The following CADM2 variants were observed in gnomAD, a reference collection of about 807,000 sequenced individuals.
CADM2 encodes cell adhesion molecule 2, also known as immunoglobulin superfamily member 4D.
In CADM2, 12 loss-of-function variants were observed where a neutral mutation model predicts 49.8. The ratio of observed to expected loss-of-function variants is 0.24; its 90% CI spans 0.15 to 0.39. CADM2 has a LOEUF of 0.39. Among genes scored for constraint, CADM2 ranks in the 10% least tolerant of loss-of-function variants. The pLI is 1.00. For synonymous variants in CADM2, 214 were observed against 175.4 expected, an observed-to-expected ratio of 1.22 and a Z score of -1.74; for missense variants, 378 against 492.3, an observed-to-expected ratio of 0.77 and a Z score of 2.20.
intron 1 of CADM2, among the ~76,000 whole-genome samples, chr3:85,605,763 C>T (rs1051924712): frequency 7.9e-5 from 12 of 152,054 alleles, no homozygotes; most frequent in African/African-American, 2.9e-4. Context: ...TTTCTGTCTC[C>T]TCTGTGACAA....
intron 1 of CADM2, among the ~76,000 whole-genome samples, chr3:85,216,041 ATGTT>A (rs1161898878): frequency 5.9e-5 from 9 of 151,866 alleles, no homozygotes; most frequent in Non-Finnish European, 1.3e-4. Flanking sequence ...GCCAGGTACT[ATGTT>A]TGTTCACCTG....
At chr3:85,363,713 G>A (rs1456963581) in intron 1 of CADM2, among the ~76,000 whole-genome samples, 1 of 152,144 alleles carries the variant, frequency 6.6e-6, no homozygotes, top group Non-Finnish European at 1.5e-5. Context: ...CTGGATTCAC[G>A]CCATTCTCCT....
At chr3:85,970,785 G>A (rs1196248717) in intron 8 of CADM2, among the ~76,000 whole-genome samples, 1 of 151,454 alleles carries the variant, frequency 6.6e-6, no homozygotes, top group Non-Finnish European at 1.5e-5. Flanking sequence ...GTTGGTTCAG[G>A]ATTCTGGAAG....
chr3:86,015,974 A>G (rs1161156017), intron 8 of CADM2, among the ~76,000 whole-genome samples: 3 of 152,158 alleles, frequency 2.0e-5, no homozygotes, highest in African/African-American at 7.2e-5. Flanking sequence ...GTTATTTTTG[A>G]TGAAGAAAAT....
chr3:85,313,030 A>C (rs11714135), intron 1 of CADM2, among the ~76,000 whole-genome samples: 6,752 of 152,284 alleles, frequency 0.044, 249 homozygotes, highest in Non-Finnish European at 0.059. Flanking sequence ...AGAAAGTCCA[A>C]AGCTAAACAG....
chr3:85,888,960 C>G lies in CADM2; in HGVS notation c.529+2633C>G, dbSNP rs1013858703. Among the ~76,000 whole-genome samples, 25 of 152,090 alleles carry G rather than the reference C, an allele frequency of 1.6e-4. 1 individual carries two copies. Among genetic ancestry groups the G allele is most frequent in the African/African-American group, 6.0e-4 (25 of 41,434 alleles). ...TCACTTGACACGTTTTAAAAAGACACTCCCTAGCATAAAATAAGGCAAACA... is the reference window on the plus strand; with the variant it reads ...TCACTTGACACGTTTTAAAAAGACAGTCCCTAGCATAAAATAAGGCAAACA... On this transcript the variant is annotated intron_variant, in intron 5 of 9. Coordinates refer to ENST00000383699, the MANE Select transcript of CADM2 (RefSeq NM_001167675.2).
chr3:85,675,689 A>T (rs2107644792), intron 1 of CADM2, among the ~76,000 whole-genome samples: 1 of 152,284 alleles, frequency 6.6e-6, no homozygotes, highest in Non-Finnish European at 1.5e-5. Context: ...AAATGGACAA[A>T]TCAGAGTGCC....
chr3:85,293,755 C>T lies in CADM2; in HGVS notation c.61+334087C>T, dbSNP rs1056808979. Among the ~76,000 whole-genome samples, 107 of 149,132 alleles carry T rather than the reference C, an allele frequency of 7.2e-4. 1 individual carries two copies. The highest frequency in any genetic ancestry group is 2.6e-3 in the African/African-American group (104 of 40,152). ...ATTCAGCAACCCTTCATGCTAAAAA[C>T]TCTCAATAAATTAGGTATTGATGGG... is the stretch of plus-strand genomic sequence containing the variant. On this transcript the variant is annotated intron_variant, in intron 1 of 9. Coordinates refer to ENST00000383699, the MANE Select transcript of CADM2 (RefSeq NM_001167675.2).
chr3:85,156,299 C>A (rs1301103543), intron 1 of CADM2, among the ~76,000 whole-genome samples: 1 of 151,970 alleles, frequency 6.6e-6, no homozygotes, highest in Non-Finnish European at 1.5e-5. Flanking sequence ...GATATCACCA[C>A]CGATCCCATA....
intron 1 of CADM2, among the ~76,000 whole-genome samples, chr3:85,169,919 T>C: frequency 6.6e-6 from 1 of 152,238 alleles, no homozygotes; most frequent in Non-Finnish European, 1.5e-5. Flanking sequence ...TGAAAACTTT[T>C]TGTGACAGAA....
chr3:85,407,650 A>G (rs1472272876), intron 1 of CADM2, among the ~76,000 whole-genome samples: 2 of 152,154 alleles, frequency 1.3e-5, no homozygotes, highest in Admixed American at 6.5e-5. Flanking sequence ...ATTTAGCAGC[A>G]GTGGTACCTC....
chr3:85,252,851 C>G (rs2042805351), intron 1 of CADM2, among the ~76,000 whole-genome samples: 2 of 151,976 alleles, frequency 1.3e-5, no homozygotes, highest in Admixed American at 6.6e-5. Context: ...TGACTGCTAA[C>G]AAACCTGTCA....
rs548968979 is a variant in CADM2, at chr3:85,103,869, G to A, written c.61+144201G>A. ...TGTGGCGGAGGAATGTAGTGGGCTA[G>A]GATGACATGTAAAGAAATTGGATTA... On this transcript the variant is annotated intron_variant, in intron 1 of 9. Coordinates refer to ENST00000383699, the MANE Select transcript of CADM2 (RefSeq NM_001167675.2). Among the ~76,000 whole-genome samples, 6 of 152,232 alleles carry A rather than the reference G, an allele frequency of 3.9e-5. No individual in the cohort carries two copies. The South Asian group carries it at 1.2e-3, about 32-fold the overall frequency.
At chr3:85,879,015 T>C (rs1051584348) in intron 3 of CADM2, among the ~76,000 whole-genome samples, 4 of 151,248 alleles carry the variant, frequency 2.6e-5, no homozygotes, top group Non-Finnish European at 1.5e-5. Flanking sequence ...ATGTATAATA[T>C]ACATATATAT....
At chr3:85,579,400 T>G (rs973707397) in intron 1 of CADM2, among the ~76,000 whole-genome samples, 16 of 152,112 alleles carry the variant, frequency 1.1e-4, no homozygotes, top group Admixed American at 7.2e-4. Flanking sequence ...CCTAACCATT[T>G]CTCAGATGTG....
intron 1 of CADM2, among the ~76,000 whole-genome samples, chr3:85,676,537 A>G (rs1242151670): frequency 6.6e-6 from 1 of 152,182 alleles, no homozygotes; most frequent in Admixed American, 6.5e-5. Flanking sequence ...CAGACTGGTG[A>G]GATTTCAAAG....
chr3:85,413,138 C>CAAAAAAAAAA lies in CADM2; in HGVS notation c.62-313368_62-313359dup, dbSNP rs397973777. Among the ~76,000 whole-genome samples the CAAAAAAAAAA allele has an allele frequency of 1.9e-3, 32 of 17,104 alleles. 1 individual carries two copies. Among genetic ancestry groups the CAAAAAAAAAA allele is most frequent in the African/African-American group, 5.0e-3 (30 of 6,050 alleles). 11.2% of individuals were successfully genotyped at this position (17,104 alleles called of 152,430 possible). On this transcript the variant is annotated intron_variant, in intron 1 of 9. Coordinates refer to ENST00000383699, the MANE Select transcript of CADM2 (RefSeq NM_001167675.2). ...CCTGGGCGACAGCAAGACTCCGTCTCAAAAAAAAAAAAAAAAAAAAAAAAA... is the reference window on the plus strand; with the variant it reads ...CCTGGGCGACAGCAAGACTCCGTCTCAAAAAAAAAAAAAAAAAAAAAAAAAAAAAAAAAAA...
At chr3:85,387,724 A>C (rs1409999759) in intron 1 of CADM2, among the ~76,000 whole-genome samples, 1 of 152,178 alleles carries the variant, frequency 6.6e-6, no homozygotes, top group Non-Finnish European at 1.5e-5. Context: ...AGTATTATTT[A>C]GTAGTATTCT....
chr3:85,353,602 C>T (rs1463441466), intron 1 of CADM2, among the ~76,000 whole-genome samples: 8 of 147,016 alleles, frequency 5.4e-5, no homozygotes, highest in East Asian at 2.0e-4. Context: ...TATTAAGGAT[C>T]GTGTTTGTTT....
Sources: gnomAD v4.1 joint callset for allele counts (sites outside exome capture counted in the v4.1 genomes callset) on GRCh38, gnomAD v4.1.1 for gene constraint, MANE v1.5 for transcripts, NCBI Gene and HGNC (gene_info 2026-07-23, HGNC 2026-07-21) for gene names.